CEP112: variants seen among roughly 807,000 people sequenced by gnomAD.
The protein encoded by CEP112 is centrosomal protein of 112 kDa.
In CEP112, 127 loss-of-function variants were observed where a neutral mutation model predicts 153.0. The ratio of observed to expected loss-of-function variants is 0.83; its 90% CI spans 0.72 to 0.96. The LOEUF (loss-of-function observed/expected upper bound fraction) is 0.96, where lower values mean the gene tolerates loss of function less well. CEP112 is among the 40% of genes least tolerant of loss of function. The pLI is 0.00. For missense variants in CEP112, 1,089 were observed against 1,101.2 expected, an observed-to-expected ratio of 0.99 and a Z score of 0.16; for synonymous variants, 358 against 374.4, an observed-to-expected ratio of 0.96 and a Z score of 0.51.
At chr17:65,941,817 T>A (rs2061514314) in intron 18 of CEP112, among the ~76,000 whole-genome samples, 1 of 151,648 alleles carries the variant, frequency 6.6e-6, no homozygotes, top group Non-Finnish European at 1.5e-5. Flanking sequence ...AGTGTCTTGC[T>A]CTGTGGCCCA....
intron 21 of CEP112, among the ~76,000 whole-genome samples, chr17:65,765,267 G>T (rs2052886854): frequency 1.4e-5 from 2 of 145,816 alleles, no homozygotes; most frequent in African/African-American, 2.6e-5. Context: ...TTCTTATTTT[G>T]AATTGCTTTA....
intron 21 of CEP112, among the ~76,000 whole-genome samples, chr17:65,812,868 T>C (rs2056062432): frequency 6.6e-6 from 1 of 152,172 alleles, no homozygotes; most frequent in Admixed American, 6.5e-5. Context: ...ATATACACTT[T>C]AGAGTTTATA....
At chr17:65,825,770 T>C (rs2056810720) in intron 21 of CEP112, among the ~76,000 whole-genome samples, 1 of 152,170 alleles carries the variant, frequency 6.6e-6, no homozygotes. Flanking sequence ...ATGCAAATCT[T>C]TGGCCAGACA....
intron 23 of CEP112, among the ~76,000 whole-genome samples, chr17:65,701,898 G>GTTTTTTT (rs869242758): frequency 1.8e-4 from 21 of 116,056 alleles, no homozygotes; most frequent in Non-Finnish European, 2.4e-4. Flanking sequence ...TTTTTTTTTT[G>GTTTTTTT]TTTTTTTTTT....
chr17:66,160,899 G>C (rs2071672190), intron 4 of CEP112, among the ~76,000 whole-genome samples: 1 of 151,906 alleles, frequency 6.6e-6, no homozygotes, highest in Admixed American at 6.6e-5. Context: ...AGAGTGAACA[G>C]ACAACCTACA....
chr17:65,821,533 TATATATA>T (rs1219110855), intron 21 of CEP112, among the ~76,000 whole-genome samples: 18 of 30,262 alleles, frequency 5.9e-4, no homozygotes, highest in South Asian at 1.4e-3. Context: ...TATATATATA[TATATATA>T]TTTTTTTTTT....
At chr17:66,103,657 A>C (rs1424590514) in intron 6 of CEP112, among the ~76,000 whole-genome samples, 1 of 127,272 alleles carries the variant, frequency 7.9e-6, no homozygotes. Context: ...AAGCACCTTC[A>C]TAAGAAGAAA....
intron 16 of CEP112, among the ~76,000 whole-genome samples, chr17:66,008,847 G>C (rs1189605427): frequency 1.4e-5 from 2 of 145,002 alleles, no homozygotes; most frequent in Non-Finnish European, 3.0e-5. Context: ...CTTTTTTAAG[G>C]CTGCATAGTA....
intron 21 of CEP112, 189 bp from the exon 22 acceptor site, chr17:65,750,913 A>G (rs79176540): frequency 1.9e-6 from 1 of 521,768 alleles, no homozygotes; most frequent in Non-Finnish European, 3.4e-6. Context: ...AAAAAAAAAA[A>G]GATCTCTTCT....
intron 21 of CEP112, among the ~76,000 whole-genome samples, chr17:65,774,851 G>T (rs1249097568): frequency 6.6e-6 from 1 of 152,166 alleles, no homozygotes; most frequent in African/African-American, 2.4e-5. Flanking sequence ...TATGGCCTGA[G>T]ATCCAGACCC....
chr17:65,888,564 G>A (rs748332631), intron 20 of CEP112, among the ~76,000 whole-genome samples: 4 of 151,826 alleles, frequency 2.6e-5, no homozygotes, highest in Non-Finnish European at 4.4e-5. Context: ...TATCTATTCA[G>A]GTATCCATTT....
At chr17:66,016,876 G>C (rs1267794417) in intron 16 of CEP112, among the ~76,000 whole-genome samples, 2 of 152,080 alleles carry the variant, frequency 1.3e-5, no homozygotes, top group African/African-American at 4.8e-5. Context: ...ATGATTACGA[G>C]TCCAAGCTCA....
At chr17:66,009,784 C>T (rs922236625) in intron 16 of CEP112, among the ~76,000 whole-genome samples, 1 of 152,050 alleles carries the variant, frequency 6.6e-6, no homozygotes, top group Admixed American at 6.6e-5. Context: ...GGTACGCAGC[C>T]TTATTTCTGG....
In CEP112 at chr17:66,173,413, ATTGT is replaced by A. The variant is rs2072328568; in HGVS notation, c.470+1627_470+1630del. Among the ~76,000 whole-genome samples the A allele has an allele frequency of 2.0e-5, 3 of 152,330 alleles. No individual in the cohort carries two copies. The South Asian group carries it at 6.2e-4, about 32-fold the overall frequency. On this transcript the variant is annotated intron_variant, in intron 4 of 26. Coordinates refer to ENST00000535342, the MANE Select transcript of CEP112 (RefSeq NM_001199165.4). ...CAACTCATTTAAAATTGTTAAAGAC[ATTGT>A]TTAAGTCCAACCAAGCAAATCTACC... is the stretch of plus-strand genomic sequence containing the variant.
intron 10 of CEP112, among the ~76,000 whole-genome samples, chr17:66,064,692 A>G (rs528315186): frequency 6.6e-6 from 1 of 152,294 alleles, no homozygotes; most frequent in South Asian, 2.1e-4. Flanking sequence ...TACACTTCCA[A>G]AATTAAACTA....
chr17:65,925,897 C>T (rs1223999411), intron 19 of CEP112, among the ~76,000 whole-genome samples: 3 of 152,132 alleles, frequency 2.0e-5, no homozygotes, highest in Non-Finnish European at 2.9e-5. Context: ...TCAAAGGACA[C>T]GTGACATAAG....
intron 21 of CEP112, among the ~76,000 whole-genome samples, chr17:65,782,188 A>G (rs2054032771): frequency 6.6e-6 from 1 of 152,156 alleles, no homozygotes; most frequent in South Asian, 2.1e-4. Flanking sequence ...GGCAAAAGAC[A>G]TGACCAGACA....
intron 4 of CEP112, among the ~76,000 whole-genome samples, chr17:66,142,501 T>C (rs1396700302): frequency 6.6e-6 from 1 of 152,202 alleles, no homozygotes; most frequent in South Asian, 2.1e-4. Context: ...TTTAAGTCTT[T>C]AACGCATTTC....
chr17:66,127,494 C>T (rs1467058181), intron 6 of CEP112, among the ~76,000 whole-genome samples: 1 of 151,320 alleles, frequency 6.6e-6, no homozygotes, highest in Non-Finnish European at 1.5e-5. Context: ...ATCAATTCTA[C>T]TTCTCTCCTT....
Sources: allele counts gnomAD v4.1 joint callset (sites outside exome capture counted in the v4.1 genomes callset), GRCh38; gene constraint gnomAD v4.1.1; transcripts MANE v1.5; gene names NCBI Gene and HGNC (gene_info 2026-07-23, HGNC 2026-07-21).